Variants in ZNF407 observed in about 807,000 individuals in gnomAD.
The protein encoded by ZNF407 is zinc finger protein 407.
A neutral mutation model predicts 131.2 loss-of-function variants in ZNF407; 17 were observed. That is an observed-to-expected ratio of 0.13 (90% confidence interval 0.09 to 0.19). The LOEUF (loss-of-function observed/expected upper bound fraction) is 0.19. Ranked by LOEUF, ZNF407 falls within the 10% of genes least tolerant of loss-of-function variation. ZNF407 has a pLI of 1.00. For synonymous variants in ZNF407, 1,156 were observed against 1,062.0 expected (o/e 1.09, Z -1.72); for missense variants, 2,681 against 2,830.6 (o/e 0.95, Z 1.20).
At position 75,063,788 on chromosome 18, in the gene ZNF407, C is replaced by G. The variant is rs113774411; in HGVS notation, c.6067C>G (p.Leu2023Val). 54 of 1,609,602 alleles carry G rather than the reference C, an allele frequency of 3.4e-5. 1 individual carries two copies. The African/African-American group carries it at 3.5e-4, about 10-fold the overall frequency. The change falls in exon 9 of 9, where the codon CTG (leucine) becomes GTG (valine). Residue 2023 changes from leucine (L) to valine (V), a missense_variant. By Grantham distance (32) the Leu-to-Val change is conservative. Coordinates refer to ENST00000299687, the MANE Select transcript of ZNF407 (RefSeq NM_017757.3). This position sits in a 1 kb window ranked among gnomAD's most constrained non-coding sequence, Gnocchi z 6.6. ...CGGCGCCAAAGACGTGCTGATCCAG[C>G]TGCCCGGGCAGGAGGTCTCCCATGT... ...RPGAKDVLIQ[L>V]PGQEVSHVAA...
chr18:74,949,837 A>G (rs931295898), intron 8 of ZNF407, among the ~76,000 whole-genome samples: 2 of 152,290 alleles, frequency 1.3e-5, no homozygotes, highest in South Asian at 4.1e-4. Context: ...AAGGGCAGGC[A>G]CTCTCAGACC....
At chr18:74,725,052 C>A (rs1231787194) in intron 3 of ZNF407, among the ~76,000 whole-genome samples, 1 of 152,222 alleles carries the variant, frequency 6.6e-6, no homozygotes, top group East Asian at 1.9e-4. Context: ...CTGTTTATGT[C>A]ACGCATGTTC....
At chr18:74,784,527 T>C (rs1248664206) in intron 4 of ZNF407, among the ~76,000 whole-genome samples, 1 of 152,244 alleles carries the variant, frequency 6.6e-6, no homozygotes, top group Non-Finnish European at 1.5e-5. Flanking sequence ...TGTGAACACC[T>C]GAGGTGATGG....
chr18:74,759,787 G>T (rs1225079596), intron 3 of ZNF407, among the ~76,000 whole-genome samples: 2 of 144,210 alleles, frequency 1.4e-5, no homozygotes, highest in Admixed American at 6.9e-5. Flanking sequence ...ATTTCCTGTA[G>T]TTCTTACTTA....
chr18:74,751,433 T>C (rs1471039437), intron 3 of ZNF407, among the ~76,000 whole-genome samples: 1 of 152,184 alleles, frequency 6.6e-6, no homozygotes, highest in African/African-American at 2.4e-5. Context: ...GCAGGTTTGT[T>C]ACATATGTAT....
Position 74,891,047 on chromosome 18 carries a change from G to A in ZNF407, c.5249+1009G>A, listed in dbSNP as rs914109650. 4.5e-4 allele frequency among the ~76,000 whole-genome samples: 69 copies of A among 152,338 alleles called. 1 individual carries two copies. The highest frequency in any genetic ancestry group is 1.5e-3 in the African/African-American group (64 of 41,574). On this transcript the variant is annotated intron_variant, in intron 7 of 8. Transcript: ENST00000299687. ...GGCAGCGAAGCCTTCGTGCAGAAGA[G>A]TGTGAGATAGACTCAGGCGAGGCTA...
chr18:74,842,690 A>G (rs188524862), intron 4 of ZNF407, among the ~76,000 whole-genome samples: 15 of 151,998 alleles, frequency 9.9e-5, no homozygotes, highest in African/African-American at 3.4e-4. Context: ...CTTATTTTAT[A>G]TACTATATTG....
intron 1 of ZNF407, among the ~76,000 whole-genome samples, chr18:74,600,441 T>C (rs1372711986): frequency 6.6e-6 from 1 of 152,218 alleles, no homozygotes; most frequent in Non-Finnish European, 1.5e-5. Flanking sequence ...TCCTGCATCT[T>C]TGTGACCTTT....
chr18:74,598,273 G>T (rs1438530668), intron 1 of ZNF407: 1 of 152,372 alleles, frequency 6.6e-6, no homozygotes, highest in African/African-American at 2.4e-5. Flanking sequence ...CTCGCTCCGC[G>T]CCCTTGCGCG....
At chr18:74,858,783 A>T (rs1019259108) in intron 4 of ZNF407, among the ~76,000 whole-genome samples, 1 of 152,208 alleles carries the variant, frequency 6.6e-6, no homozygotes, top group Non-Finnish European at 1.5e-5. Context: ...TATGACCAAT[A>T]ATGTTGAGCA....
chr18:74,906,613 T>C (rs1599233824), intron 7 of ZNF407, among the ~76,000 whole-genome samples: 1 of 152,222 alleles, frequency 6.6e-6, no homozygotes, highest in Non-Finnish European at 1.5e-5. Flanking sequence ...AATAAAAATA[T>C]CATCAGTAGT....
intron 4 of ZNF407, among the ~76,000 whole-genome samples, chr18:74,865,175 T>C (rs1251188436): frequency 6.6e-6 from 1 of 152,196 alleles, no homozygotes; most frequent in Non-Finnish European, 1.5e-5. Flanking sequence ...CTGGTGTCAC[T>C]TTCACTGCTT....
chr18:74,972,195 T>C (rs1233083290), intron 8 of ZNF407, among the ~76,000 whole-genome samples: 2 of 152,144 alleles, frequency 1.3e-5, no homozygotes, highest in African/African-American at 4.8e-5. Flanking sequence ...CTTTTCACTG[T>C]TGTGATTTCC....
At chr18:74,627,786 C>CTG (rs1271980793) in intron 1 of ZNF407, among the ~76,000 whole-genome samples, 1 of 105,524 alleles carries the variant, frequency 9.5e-6, no homozygotes, top group African/African-American at 3.5e-5. Flanking sequence ...CTTTCTCTCT[C>CTG]TCTCTCTCTT....
chr18:74,920,446 T>C (rs1045829438), intron 7 of ZNF407, 68 bp from the exon 8 acceptor site: 5 of 1,310,698 alleles, frequency 3.8e-6, no homozygotes, highest in South Asian at 1.6e-5. Flanking sequence ...TTATGTAATA[T>C]CATTATTTGT....
chr18:74,690,577 T>C (rs548563), intron 3 of ZNF407, among the ~76,000 whole-genome samples: 106,300 of 151,992 alleles, frequency 0.7, 38,032 homozygotes, highest in East Asian at 0.86. Flanking sequence ...GGTATCCATA[T>C]CCTTGAGATT....
intron 8 of ZNF407, among the ~76,000 whole-genome samples, chr18:75,050,487 G>A (rs896385990): frequency 8.5e-5 from 13 of 152,198 alleles, no homozygotes; most frequent in Non-Finnish European, 1.9e-4. Flanking sequence ...AGCAACAGCT[G>A]TAGCCAAAGG....
At chr18:74,674,530 A>T (rs1045621895) in intron 3 of ZNF407, among the ~76,000 whole-genome samples, 2 of 152,148 alleles carry the variant, frequency 1.3e-5, no homozygotes, top group South Asian at 4.1e-4. Context: ...CTTCTCTGAC[A>T]CCATAGTATC....
intron 8 of ZNF407, among the ~76,000 whole-genome samples, chr18:75,036,980 C>T (rs1434915829): frequency 1.3e-5 from 2 of 152,156 alleles, no homozygotes; most frequent in African/African-American, 2.4e-5. Context: ...TCTTTGGCAG[C>T]GTCGAGCTGA....
Sources: gnomAD v4.1 joint callset for allele counts (sites outside exome capture counted in the v4.1 genomes callset) on GRCh38, gnomAD v4.1.1 for gene constraint, Gnocchi (gnomAD v3.1) non-coding constraint, MANE v1.5 for transcripts, NCBI Gene and HGNC (gene_info 2026-07-23, HGNC 2026-07-21) for gene names.